Variants in ATP10B observed in about 807,000 individuals in gnomAD.
ATP10B encodes ATPase phospholipid transporting 10B (putative), also known as phospholipid-transporting ATPase VB.
In ATP10B, 122 loss-of-function variants were observed where a neutral mutation model predicts 141.2. The ratio of observed to expected loss-of-function variants is 0.86; its 90% CI spans 0.75 to 1.00. The LOEUF is 1.00. Among genes scored for constraint, ATP10B ranks in the 50% least tolerant of loss-of-function variants. The pLI, the probability that ATP10B is intolerant of heterozygous loss-of-function variation, is 0.00. For missense variants in ATP10B, 1,876 were observed against 1,825.3 expected (o/e 1.03, Z -0.51); for synonymous variants, 685 against 692.0 (o/e 0.99, Z 0.16).
In ATP10B at chr5:160,606,944, G is replaced by A; in HGVS notation, c.2981C>T (p.Ala994Val). The A allele has an allele frequency of 1.2e-6, 2 of 1,614,160 alleles. No homozygotes were observed. The highest frequency in any genetic ancestry group is 1.7e-6 in the Non-Finnish European group (2 of 1,180,010). ...SITSEAVVPE[A>V]GLVIDGKTLN... ...TGTCTTCCCATCGATGACCAATCCA[G>A]CTTCTGGAACCACAGCTTCTGAGGT... The change falls in exon 19 of 26, where the codon GCT becomes GTT. Residue 994 changes from alanine (A) to valine (V), a missense_variant. By Grantham distance (64) the Ala-to-Val change is moderately conservative (BLOSUM62 0). Transcript: ENST00000327245.
At position 160,569,655 on chromosome 5, in the gene ATP10B, C is replaced by T. The variant is rs752822985; in HGVS notation, c.3779G>A (p.Gly1260Asp). The T allele has an allele frequency of 1.3e-6, 2 of 1,593,874 alleles. No homozygotes were observed. Among genetic ancestry groups the T allele is most frequent in the Admixed American group, 1.8e-5 (1 of 56,966 alleles). Reference protein sequence around the residue: ...WTIFHGVVLLGSFLMYFLVSL... With the variant: ...WTIFHGVVLLDSFLMYFLVSL... ...TACCAGAAAGTACATCAGGAAGCTGCCGAGGAGCACGACTCCGTGGAAAAT... is the reference window on the plus strand; with the variant it reads ...TACCAGAAAGTACATCAGGAAGCTGTCGAGGAGCACGACTCCGTGGAAAAT... Residue 1260 changes from glycine to aspartate, a missense_variant, in exon 25 of 26, where the codon GGC (glycine) becomes GAC (aspartate). Gly to Asp is a moderately conservative substitution (Grantham distance 94, BLOSUM62 -1). Coordinates refer to ENST00000327245, the MANE Select transcript of ATP10B (RefSeq NM_025153.3).
chr5:160,644,098 A>T, intron 9 of ATP10B, 40 bp downstream of exon 9: 1 of 1,549,776 alleles, frequency 6.5e-7, no homozygotes, highest in African/African-American at 1.4e-5. Flanking sequence ...GGGGAAGGAT[A>T]AAGGAAAATT....
At chr5:160,723,877 A>G (rs1766143382) in intron 2 of ATP10B, among the ~76,000 whole-genome samples, 1 of 152,234 alleles carries the variant, frequency 6.6e-6, no homozygotes, top group Admixed American at 6.5e-5. Flanking sequence ...CATGGAATCA[A>G]CTTAAATGCC....
intron 22 of ATP10B, among the ~76,000 whole-genome samples, chr5:160,596,921 A>T (rs1756736080): frequency 6.6e-6 from 1 of 152,264 alleles, no homozygotes; most frequent in Non-Finnish European, 1.5e-5. Flanking sequence ...AGAACATTCC[A>T]TGCTCATGGG....
rs116430068 is a variant in ATP10B, at chr5:160,778,940, A to T, written c.-331+6619T>A. ...CTCTATGTCTAGTTCATCACTTGCA[A>T]AAATGGGATAATAGTAGTAGGCGTC... On this transcript the variant is annotated intron_variant, in intron 2 of 25. Transcript: ENST00000327245. 4.7e-3 allele frequency among the ~76,000 whole-genome samples: 721 copies of T among 152,300 alleles called. 11 individuals carry two copies. The highest frequency in any genetic ancestry group is 0.017 in the African/African-American group (692 of 41,568).
intron 1 of ATP10B, among the ~76,000 whole-genome samples, chr5:160,821,249 G>T (rs1340878906): frequency 1.3e-5 from 2 of 152,046 alleles, no homozygotes; most frequent in East Asian, 3.9e-4. Flanking sequence ...AATGTAACAA[G>T]TAATTCCATT....
chr5:160,692,555 G>A (rs997674999), intron 3 of ATP10B: 1 of 152,104 alleles, frequency 6.6e-6, no homozygotes, highest in African/African-American at 2.4e-5. Flanking sequence ...GAGTCATAAG[G>A]GTTTTGTTTA....
At position 160,823,320 on chromosome 5, in the gene ATP10B, A is replaced by G. The variant is rs1029790718; in HGVS notation, c.-576+28621T>C. ...AACCAAACAACACATGTTCATACTT[A>G]TAAGTGGGAGCTGAACAATGAGAAC... On this transcript the variant is annotated intron_variant, in intron 1 of 25. Transcript: ENST00000327245. Among the ~76,000 whole-genome samples, 6 of 151,944 alleles carry G rather than the reference A, an allele frequency of 3.9e-5. No homozygotes were observed. The South Asian group carries it at 8.3e-4, about 21-fold the overall frequency.
chr5:160,783,568 C>T (rs1196715070), intron 2 of ATP10B, among the ~76,000 whole-genome samples: 3 of 77,946 alleles, frequency 3.8e-5, no homozygotes, highest in Non-Finnish European at 8.5e-5. Flanking sequence ...ATGATACACA[C>T]ACACACACAC....
At chr5:160,787,117 C>G (rs919470240) in intron 1 of ATP10B, among the ~76,000 whole-genome samples, 15 of 117,412 alleles carry the variant, frequency 1.3e-4, no homozygotes, top group Non-Finnish European at 2.2e-4. Flanking sequence ...CACACACACA[C>G]ACACACACAC....
chr5:160,663,866 A>T (rs1581305879), intron 7 of ATP10B, among the ~76,000 whole-genome samples: 1 of 152,364 alleles, frequency 6.6e-6, no homozygotes, highest in East Asian at 1.9e-4. Flanking sequence ...AGCTCAGTTA[A>T]CCTAGAGAAC....
At chr5:160,863,626 G>C in the ATP10B span, among the ~76,000 whole-genome samples, 1 of 151,420 alleles carries the variant, frequency 6.6e-6, no homozygotes, top group Non-Finnish European at 1.5e-5. Context: ...AAATGAAATT[G>C]AAACAAAAAA....
At chr5:160,652,871 TATATA>T (rs1218056306) in intron 7 of ATP10B, among the ~76,000 whole-genome samples, 1 of 96,666 alleles carries the variant, frequency 1.0e-5, no homozygotes, top group Admixed American at 1.6e-4. Context: ...ATATATAATA[TATATA>T]ATATATATAT....
At chr5:160,736,721 C>T (rs111335579) in intron 2 of ATP10B, among the ~76,000 whole-genome samples, 7,252 of 152,238 alleles carry the variant, frequency 0.048, 462 homozygotes, top group East Asian at 0.33. Context: ...GATCGCGCCA[C>T]TGCACTCCAG....
chr5:160,838,686 G>A (rs1043180018), intron 1 of ATP10B, among the ~76,000 whole-genome samples: 4 of 152,108 alleles, frequency 2.6e-5, no homozygotes, highest in East Asian at 1.9e-4. Flanking sequence ...ACCAGAGAAC[G>A]ATGTGGAGTA....
At chr5:160,874,260 C>A in the ATP10B span, among the ~76,000 whole-genome samples, 3 of 62,732 alleles carry the variant, frequency 4.8e-5, no homozygotes, top group East Asian at 4.1e-3. Flanking sequence ...GGGAGGCACC[C>A]CCCAGGAGGG....
chr5:160,733,797 C>T (rs886309570), intron 2 of ATP10B, among the ~76,000 whole-genome samples: 1 of 151,338 alleles, frequency 6.6e-6, no homozygotes, highest in South Asian at 2.1e-4. Flanking sequence ...ATTATATAAG[C>T]AACAAAAATA....
chr5:160,915,990 T>A, the ATP10B span, among the ~76,000 whole-genome samples: 37 of 152,332 alleles, frequency 2.4e-4, no homozygotes, highest in East Asian at 1.7e-3. Flanking sequence ...TAGAGGGGAC[T>A]CTTCACTTCC....
intron 13 of ATP10B, 115 bp from the exon 14 acceptor site, chr5:160,622,700 A>G: frequency 1.0e-6 from 1 of 993,810 alleles, no homozygotes; most frequent in Non-Finnish European, 1.5e-6. Flanking sequence ...TGCATCCAGC[A>G]TGTTTTCCTC....
Sources: allele counts gnomAD v4.1 joint callset (sites outside exome capture counted in the v4.1 genomes callset), GRCh38; gene constraint gnomAD v4.1.1; transcripts MANE v1.5; gene names NCBI Gene and HGNC (gene_info 2026-07-23, HGNC 2026-07-21).